The following GPHN variants were observed in gnomAD, a reference collection of about 807,000 sequenced individuals.
GPHN encodes gephyrin.
Under a neutral mutation model 95.5 loss-of-function variants are expected in GPHN, and 17 were observed. The observed-to-expected ratio is 0.18, with a 90% CI of 0.12 to 0.27. The LOEUF (loss-of-function observed/expected upper bound fraction) is 0.27, where lower values mean the gene tolerates loss of function less well. Among genes scored for constraint, GPHN ranks in the 10% least tolerant of loss-of-function variants. The pLI is 1.00. For synonymous variants in GPHN, 320 were observed against 322.5 expected (o/e 0.99, Z 0.08); for missense variants, 660 against 978.1 (o/e 0.67, Z 4.34).
chr14:67,008,987 T>A (rs72730443), intron 9 of GPHN, among the ~76,000 whole-genome samples: 8,973 of 152,184 alleles, frequency 0.059, 324 homozygotes, highest in Middle Eastern at 0.085. Context: ...GAGAAAAAAA[T>A]TGCAAACAGA....
chr14:66,698,739 G>C (rs1165721437), intron 2 of GPHN, among the ~76,000 whole-genome samples: 1 of 152,106 alleles, frequency 6.6e-6, no homozygotes, highest in Non-Finnish European at 1.5e-5. Context: ...GTATGTGTTG[G>C]GGATTGTTCC....
the GPHN span, chr14:67,674,498 CCGCGCTG>C: frequency 1.3e-6 from 2 of 1,590,948 alleles, no homozygotes; most frequent in Admixed American, 1.8e-5. Context: ...ATGGCGCAGG[CCGCGCTG>C]GAGCAGCGGC....
chr14:67,161,402 A>G (rs748241918), intron 19 of GPHN, among the ~76,000 whole-genome samples: 7 of 151,850 alleles, frequency 4.6e-5, no homozygotes, highest in Non-Finnish European at 1.0e-4. Flanking sequence ...GCCCATGGGC[A>G]GTACTAATCT....
In GPHN at chr14:67,100,847, A is replaced by G. The variant is rs1379893125; in HGVS notation, c.1238-9A>G. On this transcript the variant is annotated splice_polypyrimidine_tract_variant and intron_variant, in intron 12 of 22. Transcript: ENST00000478722. ...TGATGTTTGTTCTTGGCTCTGTTCC[A>G]TCTCACAGCTGCTGATGGCCCAGGA... 3 of 1,592,264 alleles carry G rather than the reference A, an allele frequency of 1.9e-6. No homozygotes were observed. Among genetic ancestry groups the G allele is most frequent in the South Asian group, 1.1e-5 (1 of 90,658 alleles).
the GPHN span, chr14:67,616,925 A>G: frequency 6.6e-6 from 1 of 152,056 alleles, no homozygotes; most frequent in Non-Finnish European, 1.5e-5. Flanking sequence ...CCCAGGCTAG[A>G]GTGCAGTGGT....
At chr14:67,553,302 T>C in the GPHN span, among the ~76,000 whole-genome samples, 1 of 152,176 alleles carries the variant, frequency 6.6e-6, no homozygotes, top group African/African-American at 2.4e-5. Flanking sequence ...GGCCTTCCCG[T>C]TCAGTATTTC....
chr14:66,934,676 G>A (rs1010978354), intron 8 of GPHN, among the ~76,000 whole-genome samples: 8 of 152,158 alleles, frequency 5.3e-5, no homozygotes, highest in Admixed American at 1.3e-4. Context: ...TCTTGGGACC[G>A]TGAATGGAAT....
chr14:66,700,982 A>G (rs2068500463), intron 2 of GPHN, among the ~76,000 whole-genome samples: 1 of 152,198 alleles, frequency 6.6e-6, no homozygotes, highest in African/African-American at 2.4e-5. Flanking sequence ...ACTATTTGAA[A>G]TTTGCTTATG....
the GPHN span, chr14:67,470,983 C>G: frequency 1.3e-5 from 2 of 152,208 alleles, no homozygotes; most frequent in East Asian, 3.9e-4. Context: ...GAATTGAAGT[C>G]TGGGCTATCC....
the GPHN span, among the ~76,000 whole-genome samples, chr14:67,625,182 C>T: frequency 1.3e-5 from 2 of 151,916 alleles, no homozygotes; most frequent in African/African-American, 4.8e-5. Flanking sequence ...CCCTATCTCA[C>T]ACCATATATG....
At chr14:66,883,935 T>C (rs1720925286) in intron 5 of GPHN, among the ~76,000 whole-genome samples, 1 of 152,100 alleles carries the variant, frequency 6.6e-6, no homozygotes, top group African/African-American at 2.4e-5. Flanking sequence ...CTTCTTTAGC[T>C]CTCTTCTTTT....
intron 1 of GPHN, among the ~76,000 whole-genome samples, chr14:66,641,478 G>T (rs888917871): frequency 2.0e-5 from 3 of 152,108 alleles, no homozygotes; most frequent in Non-Finnish European, 4.4e-5. Context: ...TAATAAAAGG[G>T]TAATTGTATC....
the GPHN span, among the ~76,000 whole-genome samples, chr14:67,323,261 G>GTGTGTGTGTGTGTGTGTATA: frequency 8.1e-6 from 1 of 124,140 alleles, no homozygotes; most frequent in African/African-American, 2.7e-5. Context: ...GTGTGTGTGT[G>GTGTGTGTGTGTGTGTGTATA]TATATATATA....
At chr14:66,934,193 A>G (rs1417250422) in intron 8 of GPHN, among the ~76,000 whole-genome samples, 2 of 152,036 alleles carry the variant, frequency 1.3e-5, no homozygotes, top group Non-Finnish European at 2.9e-5. Context: ...GCTTTTTTAA[A>G]TTACTTCTTT....
rs183302966 is a variant in GPHN at position 66,631,009 on chromosome 14, T to C, written c.65-50098T>C. ...TATTGTCCCATGCCCATTTTGCCTGTAGTTTTTCTTTAATTGCAGTCGTTC... is the reference window on the plus strand; with the variant it reads ...TATTGTCCCATGCCCATTTTGCCTGCAGTTTTTCTTTAATTGCAGTCGTTC... On this transcript the variant is annotated intron_variant, in intron 1 of 22. Transcript: ENST00000478722. Among the ~76,000 whole-genome samples, 210 of 152,252 alleles carry C rather than the reference T, an allele frequency of 1.4e-3. 1 individual carries two copies. Among genetic ancestry groups the C allele is most frequent in the African/African-American group, 4.9e-3 (204 of 41,554 alleles).
chr14:67,323,456 A>C, the GPHN span, among the ~76,000 whole-genome samples: 1 of 151,618 alleles, frequency 6.6e-6, no homozygotes, highest in East Asian at 1.9e-4. Context: ...CTCTACAAAA[A>C]AGTAAAAAGT....
At chr14:67,640,610 G>C in the GPHN span, among the ~76,000 whole-genome samples, 1 of 152,160 alleles carries the variant, frequency 6.6e-6, no homozygotes, top group African/African-American at 2.4e-5. Flanking sequence ...ACAAATCTCT[G>C]CAAATATTAA....
chr14:67,208,519 G>A, the GPHN span: 2 of 1,490,598 alleles, frequency 1.3e-6, no homozygotes, highest in Non-Finnish European at 9.0e-7. Flanking sequence ...ATGTGCTTTA[G>A]TCTCTTAACT....
chr14:66,998,754 G>GA (rs2071989028), intron 9 of GPHN, among the ~76,000 whole-genome samples: 1 of 151,628 alleles, frequency 6.6e-6, no homozygotes, highest in Non-Finnish European at 1.5e-5. Context: ...TTCATTAGAT[G>GA]AAAAAAATAA....
Sources: gnomAD v4.1 joint callset for allele counts (sites outside exome capture counted in the v4.1 genomes callset) on GRCh38, gnomAD v4.1.1 for gene constraint, MANE v1.5 for transcripts, NCBI Gene and HGNC (gene_info 2026-07-23, HGNC 2026-07-21) for gene names.